The following ESR1 variants were observed in gnomAD, a reference collection of about 807,000 sequenced individuals.
ESR1 encodes the protein estrogen receptor.
A neutral mutation model predicts 52.7 loss-of-function variants in ESR1; 12 were observed. The ratio of observed to expected loss-of-function variants is 0.23; its 90% confidence interval spans 0.15 to 0.37. ESR1 has a LOEUF of 0.37. Among genes scored for constraint, ESR1 ranks in the 10% least tolerant of loss-of-function variants. ESR1 has a pLI of 1.00. For missense variants in ESR1, 584 were observed against 779.7 expected, an observed-to-expected ratio of 0.75 and a Z score of 2.99; for synonymous variants, 305 against 316.8, an observed-to-expected ratio of 0.96 and a Z score of 0.39.
chr6:151,774,197 G>A (rs2248586), intron 2 of ESR1, among the ~76,000 whole-genome samples: 112,025 of 152,130 alleles, frequency 0.74, 41,633 homozygotes, highest in East Asian at 0.86. Flanking sequence ...AAAAGGTACT[G>A]GCAACCAAAG....
intron 1 of ESR1, among the ~76,000 whole-genome samples, chr6:151,682,718 G>T (rs952838706): frequency 6.6e-6 from 1 of 152,122 alleles, no homozygotes; most frequent in African/African-American, 2.4e-5. Context: ...ATCTTGTTTA[G>T]GTTTCCTTAA....
intron 6 of ESR1, among the ~76,000 whole-genome samples, chr6:152,116,317 C>A (rs2051210283): frequency 6.6e-6 from 1 of 152,172 alleles, no homozygotes; most frequent in Non-Finnish European, 1.5e-5. Context: ...TCCTAACAAA[C>A]CCTGGAAGAA....
At chr6:151,810,985 T>C (rs1268792080) in intron 1 of ESR1, 1 of 152,266 alleles carries the variant, frequency 6.6e-6, no homozygotes, top group Non-Finnish European at 1.5e-5. Context: ...TTTTACTATC[T>C]GATTCTTAAC....
At chr6:152,067,446 C>A (rs375101458) in intron 6 of ESR1, among the ~76,000 whole-genome samples, 3 of 152,306 alleles carry the variant, frequency 2.0e-5, no homozygotes, top group African/African-American at 7.2e-5. Flanking sequence ...TCAAGAGAAC[C>A]AACAAAGGAG....
chr6:151,768,062 G>C (rs1262617309), intron 2 of ESR1, among the ~76,000 whole-genome samples: 1 of 152,202 alleles, frequency 6.6e-6, no homozygotes, highest in African/African-American at 2.4e-5. Context: ...ATCACCAGTG[G>C]ATGCTAAAAT....
chr6:151,730,596 TG>T (rs1427194518), intron 2 of ESR1, among the ~76,000 whole-genome samples: 4 of 152,234 alleles, frequency 2.6e-5, no homozygotes. Context: ...TTGGCCTTGC[TG>T]CATGAATCAT....
intron 1 of ESR1, among the ~76,000 whole-genome samples, chr6:151,694,409 G>A (rs974294993): frequency 1.3e-5 from 2 of 152,178 alleles, no homozygotes; most frequent in African/African-American, 4.8e-5. Context: ...AATTACATCC[G>A]AGTCACAGAA....
upstream of ESR1, among the ~76,000 whole-genome samples, chr6:151,802,464 T>C (rs374099420): frequency 1.3e-5 from 2 of 152,340 alleles, no homozygotes; most frequent in African/African-American, 4.8e-5. Context: ...TTTTCTTTCA[T>C]GTTTCTTTTG....
intron 4 of ESR1, among the ~76,000 whole-genome samples, chr6:151,948,899 C>T (rs73005959): frequency 0.024 from 3,649 of 152,254 alleles, 61 homozygotes; most frequent in Middle Eastern, 0.068. Context: ...TCCTCATCCT[C>T]ATCATTAAAA....
intron 6 of ESR1, among the ~76,000 whole-genome samples, chr6:152,080,808 T>C (rs539526707): frequency 6.6e-6 from 1 of 151,514 alleles, no homozygotes; most frequent in African/African-American, 2.4e-5. Flanking sequence ...GAAAATCTAC[T>C]GAGCAAATGG....
chr6:152,089,249 A>T (rs546845371), intron 6 of ESR1, among the ~76,000 whole-genome samples: 4 of 152,362 alleles, frequency 2.6e-5, no homozygotes, highest in African/African-American at 9.6e-5. Context: ...AATTTATTTT[A>T]AAACATATAG....
intron 4 of ESR1, among the ~76,000 whole-genome samples, chr6:151,955,125 A>G (rs1036249315): frequency 1.3e-5 from 2 of 152,252 alleles, no homozygotes; most frequent in African/African-American, 4.8e-5. Flanking sequence ...TGTTTGCCTA[A>G]CAAATAGCAA....
chr6:151,843,939 A>G (rs1366434171), intron 2 of ESR1, among the ~76,000 whole-genome samples: 3 of 148,806 alleles, frequency 2.0e-5, no homozygotes, highest in Non-Finnish European at 4.5e-5. Context: ...AGCTGTTCAT[A>G]TCTTAATCGA....
chr6:151,839,482 C>T (rs1358319145), intron 1 of ESR1, among the ~76,000 whole-genome samples: 3 of 152,158 alleles, frequency 2.0e-5, no homozygotes, highest in Non-Finnish European at 4.4e-5. Context: ...AGTAATTCTA[C>T]TTCTGGGTAT....
At chr6:151,860,984 A>G (rs2128285535) in intron 2 of ESR1, among the ~76,000 whole-genome samples, 1 of 152,296 alleles carries the variant, frequency 6.6e-6, no homozygotes, top group South Asian at 2.1e-4. Context: ...GTTTCTTAGC[A>G]ATCTTTGATT....
intron 1 of ESR1, among the ~76,000 whole-genome samples, chr6:151,823,396 T>C (rs1780917996): frequency 6.6e-6 from 1 of 152,254 alleles, no homozygotes. Context: ...CAGATAATTG[T>C]AATTATTGCT....
At chr6:151,820,761 T>C (rs1780430217) in intron 1 of ESR1, among the ~76,000 whole-genome samples, 1 of 152,240 alleles carries the variant, frequency 6.6e-6, no homozygotes, top group Non-Finnish European at 1.5e-5. Context: ...GAAATGGCTA[T>C]TTTTATGATC....
At chr6:151,875,102 C>T (rs1791590652) in intron 2 of ESR1, among the ~76,000 whole-genome samples, 1 of 152,198 alleles carries the variant, frequency 6.6e-6, no homozygotes, top group Non-Finnish European at 1.5e-5. Flanking sequence ...AGGAAAGAGG[C>T]AAGGCCTCAA....
At chr6:151,908,306 T>G (rs983529789) in intron 3 of ESR1, among the ~76,000 whole-genome samples, 16 of 152,212 alleles carry the variant, frequency 1.1e-4, no homozygotes, top group Admixed American at 2.6e-4. Flanking sequence ...TTAATACCTG[T>G]GTGTATTATC....
Sources: allele counts gnomAD v4.1 joint callset (sites outside exome capture counted in the v4.1 genomes callset), GRCh38; gene constraint gnomAD v4.1.1; transcripts MANE v1.5; gene names NCBI Gene and HGNC (gene_info 2026-07-23, HGNC 2026-07-21).